ASPH: variants seen among roughly 807,000 people sequenced by gnomAD.
ASPH encodes the protein aspartate beta-hydroxylase.
Under a neutral mutation model 118.4 loss-of-function variants are expected in ASPH, and 100 were observed. The observed-to-expected ratio is 0.84, with a 90% CI of 0.72 to 1.00. ASPH has a LOEUF of 1.00. Among genes scored for constraint, ASPH ranks in the 50% least tolerant of loss-of-function variants. ASPH has a pLI of 0.00. For missense variants in ASPH, 920 were observed against 919.5 expected, an observed-to-expected ratio of 1.00 and a Z score of -0.01; for synonymous variants, 315 against 325.6, an observed-to-expected ratio of 0.97 and a Z score of 0.35.
intron 14 of ASPH, among the ~76,000 whole-genome samples, chr8:61,614,546 CATG>C (rs1848434918): frequency 6.6e-6 from 1 of 152,186 alleles, no homozygotes; most frequent in Non-Finnish European, 1.5e-5. Flanking sequence ...AGTGCAGTGG[CATG>C]ATCATAGTTC....
At chr8:61,526,875 G>A (rs1356483225) in intron 21 of ASPH, among the ~76,000 whole-genome samples, 1 of 152,090 alleles carries the variant, frequency 6.6e-6, no homozygotes, top group Non-Finnish European at 1.5e-5. Flanking sequence ...TAGGGGAGAA[G>A]GCAAAGGTGA....
At chr8:61,522,615 G>A (rs1006178918) in intron 22 of ASPH, among the ~76,000 whole-genome samples, 2 of 152,074 alleles carry the variant, frequency 1.3e-5, no homozygotes, top group African/African-American at 4.8e-5. Flanking sequence ...TAGTTCTCAC[G>A]AGATCTGATG....
At chr8:61,579,124 G>A (rs527800180) in intron 15 of ASPH, 69 of 1,610,642 alleles carry the variant, frequency 4.3e-5, no homozygotes, top group South Asian at 1.6e-4. Flanking sequence ...GACCTGTGGC[G>A]CACAAAGACT....
intron 3 of ASPH, among the ~76,000 whole-genome samples, chr8:61,654,614 T>C (rs1048262683): frequency 6.6e-6 from 1 of 152,230 alleles, no homozygotes; most frequent in Non-Finnish European, 1.5e-5. Context: ...ATTACTCTTC[T>C]TTTTTATTAT....
At chr8:61,670,487 A>G (rs568708250) in intron 3 of ASPH, among the ~76,000 whole-genome samples, 1 of 152,226 alleles carries the variant, frequency 6.6e-6, no homozygotes, top group East Asian at 1.9e-4. Context: ...GTGGAAGGAA[A>G]GGTGACCAAA....
chr8:61,503,441 G>C lies in ASPH; in HGVS notation c.2195C>G (p.Ser732Ter), dbSNP rs1415441083. Residue 732 changes from serine (S) to a stop codon, truncating the protein, a stop_gained, in exon 25 of 25, where the codon TCA (serine) becomes TGA (stop). Transcript: ENST00000379454. LOFTEE classifies it high-confidence loss of function. ...SFEHEVWQDA[S>*]SFRLIFIVDV... ...CACGATGAATATCAGCCGGAAAGATGAGGCATCCTGCCATACCTCGTGCTC... is the reference window on the plus strand; with the variant it reads ...CACGATGAATATCAGCCGGAAAGATCAGGCATCCTGCCATACCTCGTGCTC... The C allele has an allele frequency of 6.2e-7, 1 of 1,613,020 alleles. No homozygotes were observed. Among genetic ancestry groups the C allele is most frequent in the Non-Finnish European group, 8.5e-7 (1 of 1,179,672 alleles).
In ASPH at chr8:61,579,572, C is replaced by T. The variant is rs1836717059; in HGVS notation, c.1063-2714G>A. The T allele has an allele frequency of 2.7e-5, 41 of 1,523,852 alleles. No individual in the cohort carries two copies. The Middle Eastern group carries it at 8.8e-4, about 33-fold the overall frequency. The allele number at this position is 1,523,852 out of a possible 1,614,324, so 94.4% of individuals were successfully genotyped here. ...TTGGCTCTGGCGCAGGCTCCAGCTCCCTCAGCCGCACCAGTTCCTCCAGGG... is the reference window on the plus strand; with the variant it reads ...TTGGCTCTGGCGCAGGCTCCAGCTCTCTCAGCCGCACCAGTTCCTCCAGGG... On this transcript the variant is annotated intron_variant, in intron 15 of 24. Transcript: ENST00000379454.
chr8:61,666,966 T>G lies in ASPH; in HGVS notation c.323-13306A>C, dbSNP rs200675212. 5.0e-4 allele frequency among the ~76,000 whole-genome samples: 76 copies of G among 152,342 alleles called. No homozygotes were observed. The East Asian group carries it at 0.012, about 24-fold the overall frequency. On this transcript the variant is annotated intron_variant, in intron 3 of 24. Transcript: ENST00000379454. ...CTAGATCAAGAAGTAAAATATTTTA[T>G]TGTCCATTTGTTTCATCATTATTTA...
rs557712445 is a variant in ASPH at position 61,564,776 on chromosome 8, T to G, written c.1301-1896A>C. On this transcript the variant is annotated intron_variant, in intron 17 of 24. Coordinates refer to ENST00000379454, the MANE Select transcript of ASPH (RefSeq NM_004318.4). ...TTAATCATCACATGGACTTTAGTCC[T>G]ATTTTATTTATCTACAAAAGTGATA... Among the ~76,000 whole-genome samples the G allele has an allele frequency of 6.8e-4, 104 of 152,366 alleles. 1 individual carries two copies. The highest frequency in any genetic ancestry group is 2.4e-3 in the African/African-American group (99 of 41,590).
chr8:61,579,261 G>A, intron 15 of ASPH: 37 of 1,614,102 alleles, frequency 2.3e-5, no homozygotes, highest in Non-Finnish European at 3.1e-5. Context: ...GGCCATTAAG[G>A]ATGCCAACGC....
chr8:61,675,378 A>G (rs1824754326), intron 3 of ASPH: 1 of 975,386 alleles, frequency 1.0e-6, no homozygotes, highest in Non-Finnish European at 1.2e-6. Flanking sequence ...ATATTTGGAA[A>G]TAAAATTTAA....
intron 15 of ASPH, among the ~76,000 whole-genome samples, chr8:61,577,369 A>AG (rs1258513081): frequency 6.7e-6 from 1 of 149,828 alleles, no homozygotes; most frequent in African/African-American, 2.5e-5. Context: ...TGACAAAAAA[A>AG]AAAGAAAATG....
chr8:61,556,397 G>C (rs1827880687), intron 18 of ASPH, among the ~76,000 whole-genome samples: 1 of 152,162 alleles, frequency 6.6e-6, no homozygotes, highest in African/African-American at 2.4e-5. Flanking sequence ...TGCTATACTT[G>C]AAGACAATTC....
At chr8:61,514,626 G>A (rs1358796942) in intron 24 of ASPH, among the ~76,000 whole-genome samples, 21 of 152,066 alleles carry the variant, frequency 1.4e-4, no homozygotes, top group Non-Finnish European at 1.5e-5. Context: ...GGAAAATAGT[G>A]TGAACCTGGG....
At chr8:61,568,681 G>A (rs1391171764) in intron 16 of ASPH, among the ~76,000 whole-genome samples, 2 of 152,146 alleles carry the variant, frequency 1.3e-5, no homozygotes, top group Non-Finnish European at 2.9e-5. Context: ...AGAAGCAGTC[G>A]AGAGTGTAGA....
rs532906595 is a variant in ASPH at position 61,608,515 on chromosome 8, T to C, written c.976+10463A>G. ...ATAGCTGTTTAATAAACTTAAAATT[T>C]TTTTTCATACTACAGGTTCAGCTTT... On this transcript the variant is annotated intron_variant, in intron 14 of 24. Transcript: ENST00000379454. Among the ~76,000 whole-genome samples the C allele has an allele frequency of 4.9e-4, 75 of 152,326 alleles. 1 individual carries two copies. Among genetic ancestry groups the C allele is most frequent in the Non-Finnish European group, 9.8e-4 (67 of 68,032 alleles).
intron 12 of ASPH, among the ~76,000 whole-genome samples, chr8:61,635,452 A>T (rs752809004): frequency 3.3e-5 from 5 of 152,246 alleles, no homozygotes; most frequent in Non-Finnish European, 7.4e-5. Flanking sequence ...TCAGGTTGGC[A>T]TATTCAACCC....
At chr8:61,566,045 C>T (rs959102283) in intron 17 of ASPH, among the ~76,000 whole-genome samples, 4 of 152,254 alleles carry the variant, frequency 2.6e-5, no homozygotes, top group South Asian at 4.1e-4. Context: ...CACCTAGTCA[C>T]CAAGAACTCT....
intron 3 of ASPH, chr8:61,663,849 TA>T: frequency 1.0e-6 from 1 of 978,580 alleles, no homozygotes; most frequent in Non-Finnish European, 1.2e-6. Context: ...CTTTAAATAG[TA>T]AAAGGCGTTA....
Sources: allele counts gnomAD v4.1 joint callset (sites outside exome capture counted in the v4.1 genomes callset), GRCh38; gene constraint gnomAD v4.1.1; transcripts MANE v1.5; gene names NCBI Gene and HGNC (gene_info 2026-07-23, HGNC 2026-07-21).